Variants in TMC2 observed in about 807,000 individuals in gnomAD.
TMC2 encodes the protein transmembrane channel like 2, also known as transmembrane channel-like protein 2.
In TMC2, 102 loss-of-function variants were observed where a neutral mutation model predicts 105.9. That is an observed-to-expected ratio of 0.96 (90% confidence interval 0.82 to 1.14). The LOEUF (loss-of-function observed/expected upper bound fraction) is 1.14, where lower values mean the gene tolerates loss of function less well. Ranked by LOEUF, TMC2 falls within the 50% of genes most tolerant of loss-of-function variation. The probability of loss-of-function intolerance (pLI) is 0.00; values close to 1 mark genes in which losing one functional copy is unlikely to be tolerated. For missense variants in TMC2, 1,093 were observed against 1,134.3 expected, an observed-to-expected ratio of 0.96 and a Z score of 0.52; for synonymous variants, 402 against 422.8, an observed-to-expected ratio of 0.95 and a Z score of 0.60.
At chr20:2,640,059 C>G (rs893315862) in intron 19 of TMC2, among the ~76,000 whole-genome samples, 2 of 152,128 alleles carry the variant, frequency 1.3e-5, no homozygotes, top group African/African-American at 2.4e-5. Flanking sequence ...CTCTGATCAC[C>G]GCAACCTCTG....
chr20:2,625,651 A>T (rs1037509157), intron 17 of TMC2, among the ~76,000 whole-genome samples: 1 of 152,222 alleles, frequency 6.6e-6, no homozygotes, highest in African/African-American at 2.4e-5. Context: ...CTGCATAGGG[A>T]TAGTTAGGCT....
In TMC2 at chr20:2,617,178, G is replaced by A. The variant is rs761984348; in HGVS notation, c.2047G>A (p.Glu683Lys). 1 of 1,614,078 alleles carries A rather than the reference G, an allele frequency of 6.2e-7. No homozygotes were observed. The highest frequency in any genetic ancestry group is 1.3e-5 in the African/African-American group (1 of 74,930). ...GGTGATGAGCAGCAACGTACCCCAT[G>A]AACGCGTGTTCAAAGCCTCCCGATC... ...WAVMSSNVPH[E>K]RVFKASRSNN... Residue 683 changes from glutamate (E) to lysine (K), a missense_variant, in exon 16 of 20, where the codon GAA becomes AAA. By Grantham distance (56) the Glu-to-Lys change is moderately conservative (BLOSUM62 1). Transcript: ENST00000358864.
intron 12 of TMC2, 141 bp from the exon 13 acceptor site, chr20:2,612,050 G>A: frequency 1.3e-6 from 1 of 760,662 alleles, no homozygotes; most frequent in Non-Finnish European, 2.0e-6. Flanking sequence ...CCTGAGAAGG[G>A]AATTTTGGAA....
chr20:2,566,547 G>GA (rs1032603022), intron 4 of TMC2, among the ~76,000 whole-genome samples: 7 of 152,164 alleles, frequency 4.6e-5, no homozygotes, highest in Non-Finnish European at 4.4e-5. Context: ...TGATATCTTA[G>GA]AAAACTACCC....
At chr20:2,635,206 G>A (rs1027598636) in intron 17 of TMC2, among the ~76,000 whole-genome samples, 4 of 152,134 alleles carry the variant, frequency 2.6e-5, no homozygotes, top group Non-Finnish European at 1.5e-5. Context: ...AGCCTCAAAG[G>A]ACACCCGATC....
intron 4 of TMC2, among the ~76,000 whole-genome samples, chr20:2,565,633 G>A (rs139776357): frequency 3.4e-4 from 52 of 152,292 alleles, no homozygotes; most frequent in African/African-American, 1.2e-3. Flanking sequence ...TCCAGTTGCA[G>A]ACGGCATCCC....
intron 9 of TMC2, 56 bp downstream of exon 9, chr20:2,595,023 C>A: frequency 6.3e-7 from 1 of 1,577,962 alleles, no homozygotes; most frequent in Non-Finnish European, 8.6e-7. Context: ...GCTCACTCCC[C>A]TGGCCACTCT....
At chr20:2,559,627 A>C (rs1196999407) in intron 3 of TMC2, among the ~76,000 whole-genome samples, 2 of 152,152 alleles carry the variant, frequency 1.3e-5, no homozygotes, top group Admixed American at 6.5e-5. Context: ...TTTGTAGCAA[A>C]TCCTTTTTGC....
intron 11 of TMC2, among the ~76,000 whole-genome samples, chr20:2,606,666 T>C (rs77704863): frequency 0.017 from 2,647 of 152,150 alleles, 68 homozygotes; most frequent in African/African-American, 0.06. Context: ...TTTTTTGGGT[T>C]TTCTTCTTTA....
rs931975667 is a variant in TMC2 at position 2,546,140 on chromosome 20, T to C, written c.82+8824T>C. Reference sequence around the variant, plus strand: ...CCCTTCTAGGACATGATGAAGGTTTTGGATTTCTCCCCACCTGACCTATTG... The same window carrying C: ...CCCTTCTAGGACATGATGAAGGTTTCGGATTTCTCCCCACCTGACCTATTG... On this transcript the variant is annotated intron_variant, in intron 2 of 19. Coordinates refer to ENST00000358864, the MANE Select transcript of TMC2 (RefSeq NM_080751.3). Among the ~76,000 whole-genome samples, 15 of 152,302 alleles carry C rather than the reference T, an allele frequency of 9.8e-5. No individual in the cohort carries two copies. The East Asian group carries it at 1.5e-3, about 16-fold the overall frequency.
intron 2 of TMC2, among the ~76,000 whole-genome samples, chr20:2,548,586 C>A (rs1346847052): frequency 1.4e-5 from 2 of 145,834 alleles, no homozygotes; most frequent in African/African-American, 5.2e-5. Context: ...TGCAGTGAGC[C>A]AAGATAGCAC....
chr20:2,627,165 C>T (rs1439668594), intron 17 of TMC2, among the ~76,000 whole-genome samples: 1 of 152,202 alleles, frequency 6.6e-6, no homozygotes, highest in Non-Finnish European at 1.5e-5. Context: ...TTGCTGTTTA[C>T]TCATATAGCC....
Position 2,616,063 on chromosome 20 carries a change from G to T in TMC2, c.1873-74G>T. The T allele has an allele frequency of 7.8e-7, 1 of 1,275,944 alleles. No homozygotes were observed. The allele number at this position is 1,275,944 out of a possible 1,614,324, so 79.0% of individuals were successfully genotyped here. ...CCTTGGCTTGGCCAGTTGGTTGGTA[G>T]TAGGGTTTGGCTGAATTCACCAAAC... On this transcript the variant is annotated intron_variant, in intron 14 of 19. Transcript: ENST00000358864. This position sits in a 1 kb window ranked among gnomAD's most constrained non-coding sequence, Gnocchi z 4.8.
At chr20:2,632,210 T>A (rs898830799) in intron 17 of TMC2, among the ~76,000 whole-genome samples, 2 of 152,062 alleles carry the variant, frequency 1.3e-5, no homozygotes, top group Admixed American at 1.3e-4. Flanking sequence ...TTAGTAGAGA[T>A]GGGTTTCACT....
Position 2,641,228 on chromosome 20 carries a change from T to C in TMC2, c.2598T>C (p.Pro866=). 1 of 1,614,188 alleles carries C rather than the reference T, an allele frequency of 6.2e-7. No individual in the cohort carries two copies. Among genetic ancestry groups the C allele is most frequent in the Non-Finnish European group, 8.5e-7 (1 of 1,180,036 alleles). Reference sequence around the variant, plus strand: ...ATTCTGCCAGCAGGACCACACTGCCTGCCTCTGGACACCTTCCTATATCTC... The same window carrying C: ...ATTCTGCCAGCAGGACCACACTGCCCGCCTCTGGACACCTTCCTATATCTC... ...TSNSASRTTL[P]ASGHLPISRP... Residue 866 remains proline (P), a synonymous_variant, in exon 20 of 20, where the codon CCT becomes CCC. Coordinates refer to ENST00000358864, the MANE Select transcript of TMC2 (RefSeq NM_080751.3).
chr20:2,627,707 T>A (rs1480194050), intron 17 of TMC2, among the ~76,000 whole-genome samples: 1 of 152,140 alleles, frequency 6.6e-6, no homozygotes, highest in Non-Finnish European at 1.5e-5. Flanking sequence ...TTTTGTAAAT[T>A]TTGCTCAGCA....
intron 11 of TMC2, 31 bp from the exon 12 acceptor site, chr20:2,610,388 T>A: frequency 6.3e-7 from 1 of 1,580,950 alleles, no homozygotes; most frequent in Non-Finnish European, 8.6e-7. Flanking sequence ...ATAATGTTGA[T>A]GACACAACGT....
chr20:2,575,894 C>T (rs899030639), intron 5 of TMC2, among the ~76,000 whole-genome samples: 18 of 152,072 alleles, frequency 1.2e-4, no homozygotes, highest in Non-Finnish European at 2.4e-4. Flanking sequence ...TCTTAGCTTC[C>T]TTGTAATCCT....
At chr20:2,574,137 G>C (rs918244632) in intron 5 of TMC2, among the ~76,000 whole-genome samples, 1 of 152,106 alleles carries the variant, frequency 6.6e-6, no homozygotes, top group African/African-American at 2.4e-5. Flanking sequence ...TGTTTAGTAA[G>C]ACTTCCATTT....
Sources: allele counts gnomAD v4.1 joint callset (sites outside exome capture counted in the v4.1 genomes callset), GRCh38; gene constraint gnomAD v4.1.1; non-coding constraint Gnocchi (gnomAD v3.1); transcripts MANE v1.5; gene names NCBI Gene and HGNC (gene_info 2026-07-23, HGNC 2026-07-21).